The following ZC3H13 variants were observed in gnomAD, a reference collection of about 807,000 sequenced individuals.
ZC3H13 encodes the protein zinc finger CCCH-type containing 13, also known as zinc finger CCCH domain-containing protein 13.
ZC3H13 carries 64 observed loss-of-function variants against 204.1 expected under a neutral mutation model. That is an observed-to-expected ratio of 0.31 (90% CI 0.26 to 0.39). ZC3H13 has a LOEUF of 0.39. ZC3H13 is among the 10% of genes least tolerant of loss of function. The pLI is 1.00. For missense variants in ZC3H13, 1,833 were observed against 2,082.7 expected (o/e 0.88, Z 2.33); for synonymous variants, 667 against 693.7 (o/e 0.96, Z 0.60).
intron 4 of ZC3H13, among the ~76,000 whole-genome samples, chr13:46,032,014 C>G (rs2042928018): frequency 1.3e-5 from 2 of 152,164 alleles, no homozygotes; most frequent in Non-Finnish European, 2.9e-5. Context: ...AACTTGGAAG[C>G]AACCAACATG....
intron 5 of ZC3H13, among the ~76,000 whole-genome samples, chr13:46,018,695 TG>T (rs1243619887): frequency 1.3e-5 from 2 of 152,122 alleles, no homozygotes; most frequent in East Asian, 3.8e-4. Context: ...CATAGATTTA[TG>T]GAGAAGGTTT....
Position 45,985,810 on chromosome 13 carries a change from AG to A in ZC3H13, c.1256-50del, listed in dbSNP as rs754830416. The A allele has an allele frequency of 1.5e-4, 223 of 1,479,238 alleles. 3 individuals carry two copies. The South Asian group carries it at 2.5e-3, about 17-fold the overall frequency. The allele number at this position is 1,479,238 out of a possible 1,614,324, so 91.6% of individuals were successfully genotyped here. On this transcript the variant is annotated intron_variant, in intron 9 of 18. Coordinates refer to ENST00000679008, the MANE Select transcript of ZC3H13 (RefSeq NM_001330564.2). ...ACTGTAATTGCTTTTACAAAGTTTC[AG>A]GAAACTAGAAAACATATTTAATACA... is the stretch of plus-strand genomic sequence containing the variant.
chr13:45,989,905 C>A (rs1001962082), intron 8 of ZC3H13, among the ~76,000 whole-genome samples: 21 of 152,286 alleles, frequency 1.4e-4, no homozygotes, highest in African/African-American at 4.8e-4. Context: ...ATATAATATT[C>A]TAGACATGCC....
chr13:45,955,634 G>A lies in ZC3H13; in HGVS notation c.*1493C>T, dbSNP rs957536040. ...CAATATTATCCACTAAAATCAGGAA[G>A]TGGCTTCCTGAAGGGTATTCATTCT... On this transcript the variant is annotated 3_prime_UTR_variant, in exon 19 of 19. Coordinates refer to ENST00000679008, the MANE Select transcript of ZC3H13 (RefSeq NM_001330564.2). 2 of 152,090 alleles carry A rather than the reference G, an allele frequency of 1.3e-5. No individual in the cohort carries two copies. Among genetic ancestry groups the A allele is most frequent in the African/African-American group, 4.8e-5 (2 of 41,426 alleles). 9.4% of individuals were successfully genotyped at this position (152,090 alleles called of 1,614,324 possible). A position where few individuals can be genotyped will look rare whatever the true frequency, so the allele number is the denominator to read the frequency against.
At chr13:45,960,449 T>C (rs931036273) in intron 17 of ZC3H13, among the ~76,000 whole-genome samples, 2 of 152,272 alleles carry the variant, frequency 1.3e-5, no homozygotes, top group Admixed American at 1.3e-4. Flanking sequence ...AAAAATTAGT[T>C]AAGAAAGTGA....
intron 3 of ZC3H13, among the ~76,000 whole-genome samples, chr13:46,044,418 C>T (rs1363281687): frequency 6.6e-6 from 1 of 151,796 alleles, no homozygotes; most frequent in Non-Finnish European, 1.5e-5. Flanking sequence ...CTAGCCAAGC[C>T]TTTATTAAAG....
Position 45,967,749 on chromosome 13 carries a change from C to G in ZC3H13, c.4076G>C (p.Arg1359Thr). 1 of 1,612,936 alleles carries G rather than the reference C, an allele frequency of 6.2e-7. No individual in the cohort carries two copies. The highest frequency in any genetic ancestry group is 1.3e-5 in the African/African-American group (1 of 75,024). ...RDKRRDLDRE[R>T]ERLISDSVER... is the part of the protein sequence containing the mutation. ...AACAGAATCAGAAATTAGTCTCTCT[C>G]TTTCCCTATCCAAGTCTCTCCTTTT... Residue 1359 changes from arginine (R) to threonine (T), a missense_variant, in exon 15 of 19, where the codon AGA becomes ACA. Arg to Thr is a moderately conservative substitution (Grantham distance 71). This residue lies in a region of ZC3H13 where 1,574 missense variants were observed against 1,757.2 expected (regional missense o/e 0.90). Coordinates refer to ENST00000679008, the MANE Select transcript of ZC3H13 (RefSeq NM_001330564.2).
chr13:45,965,414 T>C lies in ZC3H13; in HGVS notation c.4340A>G (p.Lys1447Arg), dbSNP rs1451805842. 2 of 1,613,214 alleles carry C rather than the reference T, an allele frequency of 1.2e-6. No individual in the cohort carries two copies. The highest frequency in any genetic ancestry group is 1.7e-6 in the Non-Finnish European group (2 of 1,179,552). Residue 1447 changes from lysine (K) to arginine (R), a missense_variant, in exon 16 of 19, where the codon AAG becomes AGG. Physicochemically the swap from Lys to Arg is conservative, Grantham distance 26. Around this residue, in one of 5 missense-constraint regions of ZC3H13, gnomAD observed 1,574 missense variants for 1,757.2 expected, o/e 0.90. Coordinates refer to ENST00000679008, the MANE Select transcript of ZC3H13 (RefSeq NM_001330564.2). The stretch of plus-strand genomic sequence containing the variant: ...GCCTAATGAATGTGCATCATCTAAC[T>C]TGGACTCGTCATCTCCTGCTAAATA... Reference protein sequence around the residue: ...ESLEAGDDESKLDDAHSLGSG... With the variant: ...ESLEAGDDESRLDDAHSLGSG...
At chr13:46,011,918 T>C (rs957024053) in intron 5 of ZC3H13, among the ~76,000 whole-genome samples, 4 of 152,200 alleles carry the variant, frequency 2.6e-5, no homozygotes, top group Non-Finnish European at 4.4e-5. Context: ...CTGTATACGA[T>C]GCGACTCATT....
At chr13:46,020,741 G>A (rs569541039) in intron 4 of ZC3H13, among the ~76,000 whole-genome samples, 184 bp from the exon 5 acceptor site, 4 of 152,036 alleles carry the variant, frequency 2.6e-5, no homozygotes, top group African/African-American at 9.6e-5. Flanking sequence ...ACAATGAAAA[G>A]ACTATACTCC....
chr13:46,035,017 A>T (rs750751799), intron 4 of ZC3H13, among the ~76,000 whole-genome samples: 10 of 152,212 alleles, frequency 6.6e-5, no homozygotes, highest in Non-Finnish European at 1.3e-4. Flanking sequence ...GCTAACGCCC[A>T]GGTTTTGGTT....
At chr13:46,015,826 A>T (rs1360727716) in intron 5 of ZC3H13, among the ~76,000 whole-genome samples, 1 of 152,140 alleles carries the variant, frequency 6.6e-6, no homozygotes, top group Non-Finnish European at 1.5e-5. Flanking sequence ...TTATTCTTTT[A>T]AAAGACTGTT....
rs2040456174 is a variant in ZC3H13 at position 45,997,903 on chromosome 13, A to G, written c.944+5236T>C. ...TACAAACACACACATACACACACAC[A>G]CCCCATCACTATATTACTTCTACCT... On this transcript the variant is annotated intron_variant, in intron 8 of 18. Transcript: ENST00000679008. Among the ~76,000 whole-genome samples, 3 of 152,066 alleles carry G rather than the reference A, an allele frequency of 2.0e-5. No homozygotes were observed. The South Asian group carries it at 6.2e-4, about 31-fold the overall frequency.
chr13:45,981,383 A>G (rs897858195), intron 10 of ZC3H13, among the ~76,000 whole-genome samples: 3 of 152,136 alleles, frequency 2.0e-5, no homozygotes, highest in South Asian at 2.1e-4. Flanking sequence ...CCAGTCTATC[A>G]CTGTTGGACA....
chr13:46,027,741 A>C (rs1053787116), intron 4 of ZC3H13, among the ~76,000 whole-genome samples: 8 of 152,226 alleles, frequency 5.3e-5, no homozygotes, highest in Admixed American at 3.3e-4. Context: ...GTTTCAAAGC[A>C]GACCTGAATT....
In ZC3H13 at chr13:45,964,425, A is replaced by G. The variant is rs576338423; in HGVS notation, c.4475-383T>C. ...ATGTGTTTGCAGTGTGTGCACACAT[A>G]CATTTTAATTTTTAAAAACAACTAT... On this transcript the variant is annotated intron_variant, in intron 16 of 18. Coordinates refer to ENST00000679008, the MANE Select transcript of ZC3H13 (RefSeq NM_001330564.2). 9.2e-5 allele frequency among the ~76,000 whole-genome samples: 14 copies of G among 152,358 alleles called. No homozygotes were observed. The East Asian group carries it at 2.1e-3, about 23-fold the overall frequency.
rs1051082397 is a variant in ZC3H13, at chr13:45,955,892, A to C, written c.*1235T>G. On this transcript the variant is annotated 3_prime_UTR_variant, in exon 19 of 19. Transcript: ENST00000679008. ...TGTCATTATGTTACCTATAGAGACA[A>C]AACTACTAACACAAGTAATATGGGC... The C allele has an allele frequency of 6.6e-6, 1 of 152,168 alleles. No individual in the cohort carries two copies. The highest frequency in any genetic ancestry group is 2.4e-5 in the African/African-American group (1 of 41,460). The allele number at this position is 152,168 out of a possible 1,614,324, so 9.4% of individuals were successfully genotyped here.
At chr13:45,977,581 T>G (rs1431027551) in intron 11 of ZC3H13, among the ~76,000 whole-genome samples, 1 of 152,172 alleles carries the variant, frequency 6.6e-6, no homozygotes, top group Non-Finnish European at 1.5e-5. Context: ...GACATACCAA[T>G]TCATTAAAGC....
chr13:45,959,418 A>C (rs986855975), intron 18 of ZC3H13, 65 bp downstream of exon 18: 2 of 1,396,070 alleles, frequency 1.4e-6, no homozygotes, highest in Admixed American at 6.6e-5. Flanking sequence ...AATTTAAAAC[A>C]ACCAAATGAA....
Sources: gnomAD v4.1 joint callset for allele counts (sites outside exome capture counted in the v4.1 genomes callset) on GRCh38, gnomAD v4.1.1 for gene constraint, gnomAD v4.1.1 regional missense constraint, MANE v1.5 for transcripts, NCBI Gene and HGNC (gene_info 2026-07-23, HGNC 2026-07-21) for gene names.